The following EPHB1 variants were observed in gnomAD, a reference collection of about 807,000 sequenced individuals.
EPHB1 encodes EPH receptor B1, also known as ephrin type-B receptor 1.
EPHB1 carries 30 observed loss-of-function variants against 94.4 expected under a neutral mutation model. That is an observed-to-expected ratio of 0.32 (90% CI 0.24 to 0.43). The LOEUF (loss-of-function observed/expected upper bound fraction) is 0.43, where lower values mean the gene tolerates loss of function less well. EPHB1 is among the 20% of genes least tolerant of loss of function. The pLI is 1.00. For synonymous variants in EPHB1, 522 were observed against 489.1 expected (o/e 1.07, Z -0.89); for missense variants, 1,055 against 1,308.3 (o/e 0.81, Z 2.99).
At chr3:134,897,493 G>A (rs1237618360) in intron 1 of EPHB1, among the ~76,000 whole-genome samples, 1 of 152,118 alleles carries the variant, frequency 6.6e-6, no homozygotes, top group Non-Finnish European at 1.5e-5. Flanking sequence ...AGGTGTGTTC[G>A]ATCTTCTGGC....
chr3:134,923,178 T>C (rs2038722689), intron 1 of EPHB1, among the ~76,000 whole-genome samples: 1 of 152,176 alleles, frequency 6.6e-6, no homozygotes, highest in Non-Finnish European at 1.5e-5. Context: ...CCTTCAAATA[T>C]GCATGGGGCA....
chr3:134,932,029 TTGTGTGTG>T (rs56801637), intron 2 of EPHB1, among the ~76,000 whole-genome samples: 1 of 148,854 alleles, frequency 6.7e-6, no homozygotes, highest in Non-Finnish European at 1.5e-5. Flanking sequence ...GTGTGTGTGT[TTGTGTGTG>T]TGTGTGTGTG....
At chr3:134,811,242 G>GTTTTTTTTT (rs397966930) in intron 1 of EPHB1, among the ~76,000 whole-genome samples, 1,170 of 73,708 alleles carry the variant, frequency 0.016, 225 homozygotes, top group South Asian at 0.023. Context: ...TACTAAGAAG[G>GTTTTTTTTT]TTTTTTTTTT....
chr3:135,094,812 A>G (rs147889900), intron 3 of EPHB1, among the ~76,000 whole-genome samples: 2 of 152,310 alleles, frequency 1.3e-5, no homozygotes, highest in East Asian at 3.9e-4. Context: ...CCTGCTATAG[A>G]GGAGATGCAG....
intron 3 of EPHB1, among the ~76,000 whole-genome samples, chr3:135,055,941 G>C (rs1019323094): frequency 2.6e-5 from 4 of 152,268 alleles, no homozygotes; most frequent in Non-Finnish European, 5.9e-5. Context: ...AAACACAACA[G>C]TGTTTACCTG....
intron 15 of EPHB1, among the ~76,000 whole-genome samples, chr3:135,255,058 T>C (rs1933313506): frequency 6.6e-6 from 1 of 152,214 alleles, no homozygotes; most frequent in East Asian, 1.9e-4. Flanking sequence ...GGATCGGTGG[T>C]GATATCCCCT....
rs142883101 is a variant in EPHB1, at chr3:135,107,623, A to G, written c.961+1020A>G. 4.0e-3 allele frequency among the ~76,000 whole-genome samples: 610 copies of G among 152,248 alleles called. 4 individuals are homozygous for G. The highest frequency in any genetic ancestry group is 0.014 in the African/African-American group (579 of 41,508). On this transcript the variant is annotated intron_variant, in intron 4 of 15. Transcript: ENST00000398015. ...CAAATCCCTTCCATCCATCCCCATCACAGAAGAATATTTCATTTATACTTT... is the reference window on the plus strand; with the variant it reads ...CAAATCCCTTCCATCCATCCCCATCGCAGAAGAATATTTCATTTATACTTT...
intron 1 of EPHB1, among the ~76,000 whole-genome samples, chr3:134,897,163 C>G (rs1317831857): frequency 6.6e-6 from 1 of 152,230 alleles, no homozygotes. Flanking sequence ...GGGCAGTTAT[C>G]TTCTTGGTCA....
intron 3 of EPHB1, among the ~76,000 whole-genome samples, chr3:135,067,244 G>GCCTAGAACTC (rs941903079): frequency 6.6e-6 from 1 of 152,140 alleles, no homozygotes; most frequent in Non-Finnish European, 1.5e-5. Context: ...GGAAGGGGGT[G>GCCTAGAACTC]CCTAGAACTC....
chr3:134,911,698 C>T (rs968413458), intron 1 of EPHB1, among the ~76,000 whole-genome samples: 6 of 152,198 alleles, frequency 3.9e-5, no homozygotes, highest in African/African-American at 1.4e-4. Context: ...AAGAGGATGG[C>T]AGCAGCTGGT....
At chr3:134,849,238 T>G (rs893073491) in intron 1 of EPHB1, among the ~76,000 whole-genome samples, 1 of 152,164 alleles carries the variant, frequency 6.6e-6, no homozygotes, top group African/African-American at 2.4e-5. Flanking sequence ...GAGTTTCCGA[T>G]TGAGTAGCTT....
intron 3 of EPHB1, among the ~76,000 whole-genome samples, chr3:135,025,199 A>ATATT (rs1205551708): frequency 2.7e-4 from 31 of 114,510 alleles, no homozygotes; most frequent in East Asian, 1.7e-3. Context: ...GTTACAAAGA[A>ATATT]TATTTATTTA....
At chr3:134,975,701 T>C (rs918746938) in intron 3 of EPHB1, among the ~76,000 whole-genome samples, 3 of 152,056 alleles carry the variant, frequency 2.0e-5, no homozygotes, top group African/African-American at 4.8e-5. Context: ...ATTATAGGCA[T>C]AGGTTAAAGT....
intron 13 of EPHB1, among the ~76,000 whole-genome samples, chr3:135,247,391 T>G (rs1943951781): frequency 6.6e-6 from 1 of 152,252 alleles, no homozygotes; most frequent in African/African-American, 2.4e-5. Flanking sequence ...AGTATTACTT[T>G]AAGGCCTACA....
chr3:134,983,548 T>C (rs1259655313), intron 3 of EPHB1, among the ~76,000 whole-genome samples: 1 of 152,224 alleles, frequency 6.6e-6, no homozygotes, highest in Non-Finnish European at 1.5e-5. Flanking sequence ...GGTGCTGTTT[T>C]AGAGCAAGAA....
chr3:135,060,750 C>A lies in EPHB1; in HGVS notation c.806-45698C>A, dbSNP rs538490463. 1.6e-4 allele frequency among the ~76,000 whole-genome samples: 25 copies of A among 152,170 alleles called. 1 individual carries two copies. In the South Asian group the frequency reaches 5.2e-3, roughly 32 times the overall value. On this transcript the variant is annotated intron_variant, in intron 3 of 15. Coordinates refer to ENST00000398015, the MANE Select transcript of EPHB1 (RefSeq NM_004441.5). ...AAACATACCATGGAGAATGGGGTAT[C>A]CATTCCCTCAAGCATTTCATTTATC...
chr3:134,929,113 A>G (rs558569527), intron 2 of EPHB1, among the ~76,000 whole-genome samples: 1 of 152,272 alleles, frequency 6.6e-6, no homozygotes, highest in South Asian at 2.1e-4. Flanking sequence ...AGACGGAGGG[A>G]ACAAGGGGCT....
At chr3:134,867,719 T>C (rs2037409557) in intron 1 of EPHB1, among the ~76,000 whole-genome samples, 1 of 152,158 alleles carries the variant, frequency 6.6e-6, no homozygotes, top group African/African-American at 2.4e-5. Flanking sequence ...TGACTTATGA[T>C]GGGGATGGAG....
rs540917820 is a variant in EPHB1, at chr3:134,868,910, C to T, written c.59-56906C>T. 7.2e-5 allele frequency among the ~76,000 whole-genome samples: 11 copies of T among 152,358 alleles called. No homozygotes were observed. In the South Asian group the frequency reaches 1.7e-3, roughly 23 times the overall value. The stretch of plus-strand genomic sequence containing the variant: ...GCCCACTGCCATCCTGTACCATTGC[C>T]GCTTGATGCATTTGAGGTTCTAGGC... On this transcript the variant is annotated intron_variant, in intron 1 of 15. Transcript: ENST00000398015.
Sources: gnomAD v4.1 joint callset for allele counts (sites outside exome capture counted in the v4.1 genomes callset) on GRCh38, gnomAD v4.1.1 for gene constraint, MANE v1.5 for transcripts, NCBI Gene and HGNC (gene_info 2026-07-23, HGNC 2026-07-21) for gene names.